The following TNR variants were observed in gnomAD, a reference collection of about 807,000 sequenced individuals.
TNR encodes tenascin-R.
In TNR, 45 loss-of-function variants were observed where a neutral mutation model predicts 150.4. The observed-to-expected ratio is 0.30, with a 90% CI of 0.24 to 0.38. The LOEUF (loss-of-function observed/expected upper bound fraction) is 0.38. Among genes scored for constraint, TNR ranks in the 10% least tolerant of loss-of-function variants. The pLI is 1.00. For missense variants in TNR, 1,544 were observed against 1,759.1 expected (o/e 0.88, Z 2.19); for synonymous variants, 687 against 678.4 (o/e 1.01, Z -0.20).
chr1:175,480,373 A>G (rs1388610058), intron 2 of TNR, among the ~76,000 whole-genome samples: 1 of 151,564 alleles, frequency 6.6e-6, no homozygotes, highest in Non-Finnish European at 1.5e-5. Context: ...AGGGAGAGAG[A>G]AAAAAGGAAA....
At chr1:175,682,831 C>T (rs528329875) in intron 1 of TNR, among the ~76,000 whole-genome samples, 70 of 152,278 alleles carry the variant, frequency 4.6e-4, no homozygotes, top group Admixed American at 2.7e-3. Context: ...GGACCCCACA[C>T]GCACTCTACA....
chr1:175,370,337 A>G (rs1948029), intron 9 of TNR, among the ~76,000 whole-genome samples: 6 of 67,744 alleles, frequency 8.9e-5, no homozygotes, highest in African/African-American at 3.1e-4. Flanking sequence ...GATTTTGAGT[A>G]CTTTTTTTTT....
At chr1:175,656,098 A>G (rs1378884380) in intron 1 of TNR, among the ~76,000 whole-genome samples, 1 of 151,868 alleles carries the variant, frequency 6.6e-6, no homozygotes, top group African/African-American at 2.4e-5. Context: ...GGGCACCTTT[A>G]AAAAAATCTA....
intron 1 of TNR, among the ~76,000 whole-genome samples, chr1:175,544,733 G>A (rs556294708): frequency 2.6e-5 from 4 of 152,306 alleles, no homozygotes; most frequent in Admixed American, 6.5e-5. Flanking sequence ...TGAAGGAAGC[G>A]ATCAAGGAGC....
chr1:175,466,625 C>T (rs1657045975), intron 2 of TNR, among the ~76,000 whole-genome samples: 1 of 152,140 alleles, frequency 6.6e-6, no homozygotes, highest in Non-Finnish European at 1.5e-5. Context: ...TATCTGGGGA[C>T]TCCACATTAT....
intron 1 of TNR, among the ~76,000 whole-genome samples, chr1:175,590,214 A>G (rs1194534397): frequency 1.3e-5 from 2 of 152,176 alleles, no homozygotes; most frequent in African/African-American, 2.4e-5. Context: ...TGATAGATAT[A>G]TTTGCTTACC....
chr1:175,715,857 C>A (rs967795607), intron 1 of TNR, among the ~76,000 whole-genome samples: 3 of 152,200 alleles, frequency 2.0e-5, no homozygotes, highest in African/African-American at 7.2e-5. Context: ...AGCTCAGATT[C>A]TCTGTCAGAA....
intron 2 of TNR, among the ~76,000 whole-genome samples, chr1:175,449,894 C>G (rs755523497): frequency 6.6e-6 from 1 of 152,186 alleles, no homozygotes; most frequent in Non-Finnish European, 1.5e-5. Context: ...GTTTTTCTGC[C>G]CGATCACAGA....
chr1:175,739,546 C>T (rs368557196), intron 1 of TNR, among the ~76,000 whole-genome samples: 1 of 152,022 alleles, frequency 6.6e-6, no homozygotes, highest in Non-Finnish European at 1.5e-5. Context: ...ACCAAAGTTA[C>T]CAAACCTTCT....
rs372910629 is a variant in TNR at position 175,557,867 on chromosome 1, C to A, written c.-164-29498G>T. The stretch of plus-strand genomic sequence containing the variant: ...ATTCACAATAGCAAAGACTTGGAAC[C>A]AACCCAAATGTCCAACAACGATAGA... On this transcript the variant is annotated intron_variant, in intron 1 of 22. Coordinates refer to ENST00000367674, the MANE Select transcript of TNR (RefSeq NM_003285.3). Among the ~76,000 whole-genome samples the A allele has an allele frequency of 6.3e-3, 709 of 111,654 alleles. 5 individuals carry two copies. The highest frequency in any genetic ancestry group is 0.022 in the African/African-American group (649 of 29,930). 73.2% of individuals were successfully genotyped at this position (111,654 alleles called of 152,430 possible).
chr1:175,714,761 G>A (rs1009788927), intron 1 of TNR, among the ~76,000 whole-genome samples: 33 of 152,172 alleles, frequency 2.2e-4, no homozygotes, highest in African/African-American at 6.8e-4. Context: ...CCTGAGCCAG[G>A]AGCCAATAAG....
intron 2 of TNR, among the ~76,000 whole-genome samples, chr1:175,497,641 G>T (rs116058164): frequency 1.1e-4 from 16 of 152,292 alleles, no homozygotes; most frequent in African/African-American, 3.9e-4. Flanking sequence ...CCCCCTTCAT[G>T]CAAGAAAGCA....
At chr1:175,683,379 G>A (rs1048877646) in intron 1 of TNR, among the ~76,000 whole-genome samples, 28 of 152,156 alleles carry the variant, frequency 1.8e-4, no homozygotes, top group African/African-American at 6.8e-4. Flanking sequence ...ATTTAGTCTG[G>A]ATGTGACCAA....
intron 2 of TNR, among the ~76,000 whole-genome samples, chr1:175,462,571 G>A (rs549946000): frequency 5.9e-5 from 9 of 152,278 alleles, no homozygotes; most frequent in South Asian, 2.1e-4. Flanking sequence ...GGCAGCAGCC[G>A]ACACTCTGAG....
intron 2 of TNR, among the ~76,000 whole-genome samples, chr1:175,435,578 A>C (rs1655468517): frequency 6.6e-6 from 1 of 152,332 alleles, no homozygotes; most frequent in South Asian, 2.1e-4. Flanking sequence ...CTGGAGATGT[A>C]AATTTGGTGA....
At chr1:175,342,906 T>C (rs753901307) in intron 18 of TNR, among the ~76,000 whole-genome samples, 2 of 152,242 alleles carry the variant, frequency 1.3e-5, no homozygotes, top group Non-Finnish European at 2.9e-5. Context: ...GATCCACTTA[T>C]ATCAGAAGAC....
intron 1 of TNR, among the ~76,000 whole-genome samples, chr1:175,704,672 A>C (rs1360401063): frequency 6.6e-6 from 1 of 152,208 alleles, no homozygotes; most frequent in Non-Finnish European, 1.5e-5. Context: ...TAAAAAGTAG[A>C]ATCTCCTAAT....
intron 1 of TNR, among the ~76,000 whole-genome samples, chr1:175,567,649 G>C (rs1661696160): frequency 6.6e-6 from 1 of 152,122 alleles, no homozygotes; most frequent in Non-Finnish European, 1.5e-5. Context: ...AAGAGAGTGG[G>C]GAGTGAGAAG....
chr1:175,449,301 G>C (rs915086198), intron 2 of TNR, among the ~76,000 whole-genome samples: 5 of 151,392 alleles, frequency 3.3e-5, no homozygotes, highest in African/African-American at 9.8e-5. Flanking sequence ...TGCACACACA[G>C]ATGCATGTGT....
Sources: allele counts gnomAD v4.1 joint callset (sites outside exome capture counted in the v4.1 genomes callset), GRCh38; gene constraint gnomAD v4.1.1; transcripts MANE v1.5; gene names NCBI Gene and HGNC (gene_info 2026-07-23, HGNC 2026-07-21).